GALNT14: variants seen among roughly 807,000 people sequenced by gnomAD.
The protein encoded by GALNT14 is UDP-GalNAc:polypeptide N-acetylgalactosaminyltransferase 14.
Under a neutral mutation model 77.5 loss-of-function variants are expected in GALNT14, and 60 were observed. That is an observed-to-expected ratio of 0.77 (90% CI 0.63 to 0.96). The LOEUF (loss-of-function observed/expected upper bound fraction) is 0.96, where lower values mean the gene tolerates loss of function less well. Ranked by LOEUF, GALNT14 falls within the 40% of genes least tolerant of loss-of-function variation. GALNT14 has a pLI of 0.00. For missense variants in GALNT14, 710 were observed against 731.0 expected (o/e 0.97, Z 0.33); for synonymous variants, 280 against 281.7 (o/e 0.99, Z 0.06).
At position 30,992,972 on chromosome 2, in the gene GALNT14, C is replaced by T. The variant is rs748635480; in HGVS notation, c.165G>A (p.Gln55=). 6.2e-7 allele frequency: 1 copy of T among 1,614,180 alleles called. No individual in the cohort carries two copies. The highest frequency in any genetic ancestry group is 1.7e-5 in the Admixed American group (1 of 60,026). ...SDADWDDLWD[Q]FDERRYLNAK... ...CATTCAGATACCGCCGCTCATCAAA[C>T]TGGTCCCACAGGTCGTCCCAGTCAG... is the stretch of plus-strand genomic sequence containing the variant. Residue 55 remains glutamine (Q), a synonymous_variant, in exon 2 of 15, where the codon CAG becomes CAA. Coordinates refer to ENST00000349752, the MANE Select transcript of GALNT14 (RefSeq NM_024572.4).
intron 1 of GALNT14, among the ~76,000 whole-genome samples, chr2:31,025,205 A>C (rs558445390): frequency 2.2e-4 from 33 of 152,256 alleles, no homozygotes; most frequent in African/African-American, 4.3e-4. Context: ...TATTATTCCT[A>C]TTTCAGAGGT....
chr2:31,040,650 C>A (rs1229366039), intron 1 of GALNT14, among the ~76,000 whole-genome samples: 2 of 152,112 alleles, frequency 1.3e-5, no homozygotes, highest in Non-Finnish European at 2.9e-5. Context: ...GATCCTCAAC[C>A]CAAGGAGCTC....
chr2:30,936,836 T>G (rs1286717327), intron 9 of GALNT14, among the ~76,000 whole-genome samples: 1 of 152,218 alleles, frequency 6.6e-6, no homozygotes, highest in African/African-American at 2.4e-5. Context: ...AGGCATGCCA[T>G]GATCTGCAAT....
chr2:30,943,194 A>C (rs1323307110), intron 8 of GALNT14, among the ~76,000 whole-genome samples: 1 of 152,194 alleles, frequency 6.6e-6, no homozygotes, highest in Non-Finnish European at 1.5e-5. Context: ...CAGCCCTAGC[A>C]AACTCACACA....
At chr2:31,100,704 A>T (rs1488766704) in intron 1 of GALNT14, among the ~76,000 whole-genome samples, 1 of 31,046 alleles carries the variant, frequency 3.2e-5, no homozygotes, top group African/African-American at 2.9e-4. Flanking sequence ...TAGCCTGTTA[A>T]AAAAAAAAAA....
At chr2:30,930,544 C>T (rs756577769) in intron 10 of GALNT14, among the ~76,000 whole-genome samples, 14 of 152,258 alleles carry the variant, frequency 9.2e-5, no homozygotes, top group Non-Finnish European at 2.1e-4. Flanking sequence ...AGAAAGAGCC[C>T]CAGAAAAGAG....
chr2:30,900,994 G>C, the GALNT14 span, among the ~76,000 whole-genome samples: 3 of 152,254 alleles, frequency 2.0e-5, no homozygotes, highest in Admixed American at 2.0e-4. Context: ...TGATAATCTG[G>C]GGAAGACCAA....
intron 1 of GALNT14, among the ~76,000 whole-genome samples, chr2:31,103,121 T>C (rs1003167280): frequency 6.6e-6 from 1 of 152,140 alleles, no homozygotes; most frequent in African/African-American, 2.4e-5. Flanking sequence ...TATTTAGATA[T>C]GACAAATAGG....
intron 1 of GALNT14, among the ~76,000 whole-genome samples, chr2:31,057,372 G>GTATA (rs1398399332): frequency 1.3e-5 from 1 of 79,052 alleles, no homozygotes; most frequent in Middle Eastern, 5.3e-3. Flanking sequence ...GTGTGTGTGT[G>GTATA]TGTATATATA....
At chr2:30,970,543 A>G (rs536001455) in intron 2 of GALNT14, among the ~76,000 whole-genome samples, 1 of 152,282 alleles carries the variant, frequency 6.6e-6, no homozygotes, top group South Asian at 2.1e-4. Context: ...CTCATCGACT[A>G]GAATCACAAG....
intron 12 of GALNT14, 181 bp from the exon 13 acceptor site, chr2:30,924,444 C>A: frequency 1.5e-6 from 1 of 668,336 alleles, no homozygotes; most frequent in Non-Finnish European, 2.5e-6. Flanking sequence ...GACCCAGGAG[C>A]TACAGAGGGA....
In GALNT14 at chr2:31,138,405, C is replaced by CGCCGCCGCA; in HGVS notation, c.-320_-319insTGCGGCGGC. 1 of 359,492 alleles carries CGCCGCCGCA rather than the reference C, an allele frequency of 2.8e-6. No homozygotes were observed. The highest frequency in any genetic ancestry group is 5.0e-6 in the Non-Finnish European group (1 of 200,830). The allele number at this position is 359,492 out of a possible 1,614,324, so 22.3% of individuals were successfully genotyped here. A position where few individuals can be genotyped will look rare whatever the true frequency, so the allele number is the denominator to read the frequency against. ...CCGCCACCGCGGCTGCCGCCGCCGC[C>CGCCGCCGCA]GCCGCCGCCTTGCCCGCTGCCGCCG... is the stretch of plus-strand genomic sequence containing the variant. On this transcript the variant is annotated 5_prime_UTR_variant, in exon 1 of 15. Coordinates refer to ENST00000349752, the MANE Select transcript of GALNT14 (RefSeq NM_024572.4).
At chr2:30,929,623 T>TC (rs1293390719) in intron 10 of GALNT14, 136 bp from the exon 11 acceptor site, 9 of 646,752 alleles carry the variant, frequency 1.4e-5, no homozygotes, top group Non-Finnish European at 2.2e-5. Flanking sequence ...CAACCGACTA[T>TC]CATTCCTGTT....
At chr2:31,074,658 T>G (rs1862981) in intron 1 of GALNT14, among the ~76,000 whole-genome samples, 95,278 of 151,796 alleles carry the variant, frequency 0.63, 31,177 homozygotes, top group African/African-American at 0.82. Flanking sequence ...AGTGGTAGAG[T>G]TCTAAGAGGG....
intron 1 of GALNT14, among the ~76,000 whole-genome samples, chr2:31,022,400 A>G (rs972976303): frequency 2.6e-5 from 4 of 152,278 alleles, no homozygotes; most frequent in African/African-American, 9.6e-5. Context: ...CCTTGGGCTG[A>G]GTATTATGGA....
intron 1 of GALNT14, among the ~76,000 whole-genome samples, chr2:31,133,544 C>T (rs898008082): frequency 2.6e-5 from 4 of 152,218 alleles, no homozygotes; most frequent in Non-Finnish European, 5.9e-5. Context: ...AAAGCCTTTA[C>T]ATTTCCAATA....
chr2:31,098,618 T>A (rs914268583), intron 1 of GALNT14, among the ~76,000 whole-genome samples: 2 of 152,114 alleles, frequency 1.3e-5, no homozygotes, highest in Non-Finnish European at 2.9e-5. Flanking sequence ...TAAGTATAAA[T>A]GCGGTTGACC....
chr2:30,932,660 G>A (rs954197020), intron 9 of GALNT14, among the ~76,000 whole-genome samples: 6 of 152,280 alleles, frequency 3.9e-5, no homozygotes, highest in African/African-American at 1.2e-4. Context: ...TAACAATCAG[G>A]GACAAGGTGA....
intron 6 of GALNT14, among the ~76,000 whole-genome samples, chr2:30,948,927 G>A (rs1375470956): frequency 1.3e-5 from 2 of 152,200 alleles, no homozygotes; most frequent in African/African-American, 2.4e-5. Flanking sequence ...CAGAAGCCAT[G>A]CATGGGCTCT....
Sources: gnomAD v4.1 joint callset for allele counts (sites outside exome capture counted in the v4.1 genomes callset) on GRCh38, gnomAD v4.1.1 for gene constraint, MANE v1.5 for transcripts, NCBI Gene and HGNC (gene_info 2026-07-23, HGNC 2026-07-21) for gene names.